CMSS1: variants seen among roughly 807,000 people sequenced by gnomAD.
CMSS1 encodes cms1 ribosomal small subunit homolog.
A neutral mutation model predicts 43.5 loss-of-function variants in CMSS1; 33 were observed. The ratio of observed to expected loss-of-function variants is 0.76; its 90% CI spans 0.57 to 1.01. The LOEUF (loss-of-function observed/expected upper bound fraction) is 1.01. CMSS1 is among the 50% of genes least tolerant of loss of function. CMSS1 has a pLI of 0.00. For missense variants in CMSS1, 313 were observed against 326.4 expected, an observed-to-expected ratio of 0.96 and a Z score of 0.32; for synonymous variants, 115 against 117.2, an observed-to-expected ratio of 0.98 and a Z score of 0.12.
chr3:99,913,952 T>C (rs1239872948), intron 1 of CMSS1, among the ~76,000 whole-genome samples: 4 of 152,132 alleles, frequency 2.6e-5, no homozygotes, highest in Non-Finnish European at 4.4e-5. Flanking sequence ...ATGGAGTGTA[T>C]GTGTATGATA....
At chr3:99,975,478 G>A (rs1338288561) in intron 1 of CMSS1, among the ~76,000 whole-genome samples, 1 of 151,982 alleles carries the variant, frequency 6.6e-6, no homozygotes, top group Non-Finnish European at 1.5e-5. Flanking sequence ...TGTAATCCCA[G>A]CTACTCGGGA....
At chr3:99,994,998 C>T (rs1444381258) in intron 1 of CMSS1, among the ~76,000 whole-genome samples, 1 of 152,140 alleles carries the variant, frequency 6.6e-6, no homozygotes, top group Non-Finnish European at 1.5e-5. Context: ...CTGGCCCCTC[C>T]AAATCTCATG....
chr3:99,964,358 T>C (rs1461750591), intron 1 of CMSS1: 8 of 149,134 alleles, frequency 5.4e-5, no homozygotes, highest in South Asian at 2.2e-4. Flanking sequence ...CTTAGGGATT[T>C]CTAAGTCTCT....
rs143519463 is a variant in CMSS1, at chr3:100,142,314, G to T, written c.65-4659G>T. Among the ~76,000 whole-genome samples, 10 of 152,204 alleles carry T rather than the reference G, an allele frequency of 6.6e-5. No homozygotes were observed. In the East Asian group the frequency reaches 1.7e-3, roughly 26 times the overall value. On this transcript the variant is annotated intron_variant, in intron 1 of 9. Coordinates refer to ENST00000421999, the MANE Select transcript of CMSS1 (RefSeq NM_032359.4). ...AGATCAAAAATATTTGAAAAAAAAT[G>T]TGTCTTTACTATGTACAGACTTTTT... is the stretch of plus-strand genomic sequence containing the variant.
intron 2 of CMSS1, among the ~76,000 whole-genome samples, chr3:100,151,667 A>G (rs1359850479): frequency 6.6e-6 from 1 of 152,154 alleles, no homozygotes; most frequent in African/African-American, 2.4e-5. Flanking sequence ...ATTCATGGGG[A>G]AGAGATTACA....
At chr3:100,035,305 A>G (rs1379065463) in intron 1 of CMSS1, among the ~76,000 whole-genome samples, 1 of 152,070 alleles carries the variant, frequency 6.6e-6, no homozygotes, top group African/African-American at 2.4e-5. Flanking sequence ...ACACAGTCTC[A>G]CTCTGTCACC....
At chr3:100,130,846 G>T (rs552228897) in intron 1 of CMSS1, among the ~76,000 whole-genome samples, 1 of 152,270 alleles carries the variant, frequency 6.6e-6, no homozygotes, top group Non-Finnish European at 1.5e-5. Flanking sequence ...GTGTATGGTT[G>T]GTCACCAAAG....
intron 1 of CMSS1, among the ~76,000 whole-genome samples, chr3:99,832,826 C>G (rs1180833366): frequency 8.3e-6 from 1 of 120,480 alleles, no homozygotes; most frequent in Admixed American, 1.0e-4. Context: ...GGCCACAGAG[C>G]AAGACTCTGT....
chr3:99,929,830 G>A (rs1707419110), intron 1 of CMSS1: 3 of 1,569,310 alleles, frequency 1.9e-6, no homozygotes, highest in South Asian at 2.4e-5. Context: ...TGCCTCCCAG[G>A]TACACACCCC....
intron 1 of CMSS1, among the ~76,000 whole-genome samples, chr3:100,027,865 C>A (rs2064955045): frequency 6.6e-6 from 1 of 152,096 alleles, no homozygotes; most frequent in Admixed American, 6.6e-5. Context: ...AGGAAGAGAA[C>A]AAGTGAAACT....
chr3:100,070,834 T>C (rs2065749139), intron 1 of CMSS1, among the ~76,000 whole-genome samples: 1 of 152,212 alleles, frequency 6.6e-6, no homozygotes, highest in Non-Finnish European at 1.5e-5. Flanking sequence ...TCTCACCATG[T>C]TGGCCAGGAT....
chr3:99,888,032 C>T (rs1159305642), intron 1 of CMSS1, among the ~76,000 whole-genome samples: 2 of 152,204 alleles, frequency 1.3e-5, no homozygotes, highest in African/African-American at 4.8e-5. Flanking sequence ...GCATGAGCCA[C>T]TGTGCCTGGC....
chr3:100,040,468 A>T (rs2065186355), intron 1 of CMSS1: 1 of 152,242 alleles, frequency 6.6e-6, no homozygotes, highest in South Asian at 2.1e-4. Context: ...TTTAGGTAGC[A>T]TCAAGAAACA....
chr3:99,919,249 C>T (rs972724299), intron 1 of CMSS1, among the ~76,000 whole-genome samples: 1 of 151,840 alleles, frequency 6.6e-6, no homozygotes, highest in Non-Finnish European at 1.5e-5. Context: ...AATGTTATTA[C>T]ATTAGTTTAC....
chr3:99,908,002 G>A (rs1706676442), intron 1 of CMSS1, among the ~76,000 whole-genome samples: 1 of 152,238 alleles, frequency 6.6e-6, no homozygotes, highest in Non-Finnish European at 1.5e-5. Flanking sequence ...TACTGAAACT[G>A]TGTATTGAAT....
chr3:99,840,610 A>G (rs1434889517), intron 1 of CMSS1, among the ~76,000 whole-genome samples: 2 of 152,212 alleles, frequency 1.3e-5, no homozygotes, highest in African/African-American at 4.8e-5. Flanking sequence ...TCTGGAGGAA[A>G]GAAACTCATG....
At chr3:99,991,884 G>A (rs1247284242) in intron 1 of CMSS1, among the ~76,000 whole-genome samples, 9 of 146,432 alleles carry the variant, frequency 6.1e-5, no homozygotes, top group Non-Finnish European at 9.0e-5. Context: ...ACACATATAT[G>A]TATATATGTG....
At chr3:100,115,004 TTTA>T (rs990896485) in intron 1 of CMSS1, 34 of 1,500,944 alleles carry the variant, frequency 2.3e-5, no homozygotes, top group Non-Finnish European at 2.9e-5. Flanking sequence ...TGGTGGTATG[TTTA>T]TTATTATTAT....
At chr3:99,911,249 T>C (rs535590632) in intron 1 of CMSS1, among the ~76,000 whole-genome samples, 1 of 151,516 alleles carries the variant, frequency 6.6e-6, no homozygotes, top group Non-Finnish European at 1.5e-5. Flanking sequence ...TAATGGATAA[T>C]GTGAAATCCA....
Sources: gnomAD v4.1 joint callset for allele counts (sites outside exome capture counted in the v4.1 genomes callset) on GRCh38, gnomAD v4.1.1 for gene constraint, MANE v1.5 for transcripts, NCBI Gene and HGNC (gene_info 2026-07-23, HGNC 2026-07-21) for gene names.